Variants in FAAH2 observed in about 807,000 individuals in gnomAD.
The protein encoded by FAAH2 is fatty-acid amide hydrolase 2.
In FAAH2, 60 loss-of-function variants were observed where a neutral mutation model predicts 36.9. The ratio of observed to expected loss-of-function variants is 1.63; its 90% confidence interval spans 1.32 to 2.02. FAAH2 has a LOEUF of 2.02. FAAH2 is among the 30% of genes most tolerant of loss of function. FAAH2 has a pLI of 0.00. For synonymous variants in FAAH2, 214 were observed against 143.8 expected (o/e 1.49, Z -3.49); for missense variants, 689 against 397.5 (o/e 1.73, Z -6.23).
the FAAH2 span, among the ~76,000 whole-genome samples, chrX:57,230,863 A>G: frequency 1.8e-5 from 2 of 111,445 alleles, no homozygotes; most frequent in African/African-American, 3.3e-5. Flanking sequence ...AGTATTTACA[A>G]TCCTGGTGAA....
intron 8 of FAAH2, among the ~76,000 whole-genome samples, chrX:57,435,816 A>T (rs949993642): frequency 3.6e-5 from 4 of 111,217 alleles, no homozygotes; most frequent in African/African-American, 1.3e-4. Context: ...GAAATATTGA[A>T]CTTATTTGGA....
chrX:57,461,453 C>T (rs1238273875), intron 10 of FAAH2, among the ~76,000 whole-genome samples: 1 of 111,959 alleles, frequency 8.9e-6, no homozygotes, highest in African/African-American at 3.2e-5. Context: ...AACAAAGTCT[C>T]ACAGAACACA....
At chrX:57,421,466 G>C (rs1159949153) in intron 7 of FAAH2, among the ~76,000 whole-genome samples, 3 of 111,541 alleles carry the variant, frequency 2.7e-5, no homozygotes, top group African/African-American at 9.8e-5. Context: ...GTTTTAGAGG[G>C]TAGGAATCTG....
At chrX:57,267,540 C>A in the FAAH2 span, among the ~76,000 whole-genome samples, 1 of 112,419 alleles carries the variant, frequency 8.9e-6, no homozygotes, top group African/African-American at 3.2e-5. Flanking sequence ...TAACCCCAAC[C>A]CTTGGCTGCC....
chrX:57,323,679 GT>G (rs1292405134), intron 3 of FAAH2, among the ~76,000 whole-genome samples: 4 of 82,779 alleles, frequency 4.8e-5, no homozygotes, highest in African/African-American at 1.2e-4. Context: ...TGTTGATGGG[GT>G]TGTTTTTTTT....
At chrX:57,389,087 A>G (rs1441685537) in intron 7 of FAAH2, among the ~76,000 whole-genome samples, 1 of 107,300 alleles carries the variant, frequency 9.3e-6, no homozygotes, top group African/African-American at 3.4e-5. Flanking sequence ...TTCCATAGAC[A>G]TGTTTTCTAT....
At chrX:57,464,825 T>C (rs774856250) in intron 10 of FAAH2, among the ~76,000 whole-genome samples, 2 of 111,337 alleles carry the variant, frequency 1.8e-5, no homozygotes, top group African/African-American at 6.5e-5. Context: ...CTACATGATG[T>C]ATACCATTTA....
chrX:57,176,687 C>T, the FAAH2 span, among the ~76,000 whole-genome samples: 1 of 111,852 alleles, frequency 8.9e-6, no homozygotes, highest in Non-Finnish European at 1.9e-5. Flanking sequence ...TTGGTTTCTT[C>T]TCACTTGGGT....
intron 3 of FAAH2, among the ~76,000 whole-genome samples, chrX:57,323,391 T>C (rs1191759988): frequency 2.7e-5 from 3 of 111,689 alleles, no homozygotes; most frequent in African/African-American, 9.8e-5. Flanking sequence ...TAGTTCTAGA[T>C]CCCTGAGGAA....
chrX:57,381,153 G>C (rs745981366), intron 7 of FAAH2, 124 bp downstream of exon 7: 3 of 439,388 alleles, frequency 6.8e-6, no homozygotes, highest in Admixed American at 4.8e-5. Context: ...TTTCAGAACA[G>C]TTATACTAAG....
the FAAH2 span, among the ~76,000 whole-genome samples, chrX:57,227,946 C>G: frequency 9.0e-6 from 1 of 111,487 alleles, no homozygotes; most frequent in African/African-American, 3.3e-5. Flanking sequence ...AGCCACAGAC[C>G]TTACTCAGCT....
chrX:57,328,856 T>A (rs1163725302), intron 3 of FAAH2, among the ~76,000 whole-genome samples: 2 of 111,637 alleles, frequency 1.8e-5, no homozygotes, highest in Non-Finnish European at 3.8e-5. Flanking sequence ...CTGGATTGCA[T>A]GCTCTAACTC....
At chrX:57,275,348 G>C in the FAAH2 span, among the ~76,000 whole-genome samples, 1 of 112,344 alleles carries the variant, frequency 8.9e-6, no homozygotes, top group African/African-American at 3.2e-5. Context: ...AGGTGGAAAG[G>C]CCTGAGCCAA....
At chrX:57,304,198 C>T (rs1169493565) in intron 2 of FAAH2, among the ~76,000 whole-genome samples, 4 of 111,951 alleles carry the variant, frequency 3.6e-5, no homozygotes, top group Non-Finnish European at 7.5e-5. Context: ...CAGAGAGAGA[C>T]TGTCTCAAAA....
chrX:57,404,271 G>A (rs2055511682), intron 7 of FAAH2, among the ~76,000 whole-genome samples: 1 of 112,050 alleles, frequency 8.9e-6, no homozygotes, highest in South Asian at 3.7e-4. Flanking sequence ...TAAAGAAATA[G>A]GGTACACTAT....
intron 5 of FAAH2, among the ~76,000 whole-genome samples, chrX:57,369,672 A>G (rs1056390966): frequency 6.3e-4 from 70 of 111,988 alleles, no homozygotes; most frequent in African/African-American, 2.3e-3. Context: ...AAAGTTGAGG[A>G]AACTCACCAT....
chrX:57,431,074 G>A (rs1292272915), intron 7 of FAAH2, among the ~76,000 whole-genome samples: 1 of 111,563 alleles, frequency 9.0e-6, no homozygotes, highest in African/African-American at 3.3e-5. Context: ...ACACTAAATC[G>A]AGACTCTCTC....
At chrX:57,150,902 A>T in the FAAH2 span, among the ~76,000 whole-genome samples, 2 of 111,742 alleles carry the variant, frequency 1.8e-5, no homozygotes, top group African/African-American at 6.5e-5. Flanking sequence ...GTGGTACCGG[A>T]TGTTCCTTTC....
chrX:57,151,547 C>T, the FAAH2 span, among the ~76,000 whole-genome samples: 58 of 111,993 alleles, frequency 5.2e-4, no homozygotes, highest in Admixed American at 1.2e-3. Context: ...TTCCAGTGAT[C>T]GCATCGGCTC....
Sources: gnomAD v4.1 joint callset for allele counts (sites outside exome capture counted in the v4.1 genomes callset) on GRCh38, gnomAD v4.1.1 for gene constraint, MANE v1.5 for transcripts, NCBI Gene and HGNC (gene_info 2026-07-23, HGNC 2026-07-21) for gene names.